Variants in PIK3C2A observed in about 807,000 individuals in gnomAD.
PIK3C2A encodes the protein phosphatidylinositol 4-phosphate 3-kinase C2 domain-containing subunit alpha.
Under a neutral mutation model 204.5 loss-of-function variants are expected in PIK3C2A, and 97 were observed. The ratio of observed to expected loss-of-function variants is 0.47; its 90% CI spans 0.40 to 0.56. The LOEUF (loss-of-function observed/expected upper bound fraction) is 0.56. Among genes scored for constraint, PIK3C2A ranks in the 20% least tolerant of loss-of-function variants. The pLI is 0.00. For synonymous variants in PIK3C2A, 653 were observed against 664.4 expected, an observed-to-expected ratio of 0.98 and a Z score of 0.26; for missense variants, 1,735 against 1,969.2, an observed-to-expected ratio of 0.88 and a Z score of 2.25.
chr11:17,116,354 C>T (rs1392440624), intron 19 of PIK3C2A, among the ~76,000 whole-genome samples: 2 of 152,082 alleles, frequency 1.3e-5, no homozygotes, highest in Non-Finnish European at 2.9e-5. Context: ...CTGCTTCACA[C>T]CCACTAGAAT....
rs1403132322 is a variant in PIK3C2A, at chr11:17,086,880, G to A, written c.*2858C>T. On this transcript the variant is annotated 3_prime_UTR_variant, in exon 33 of 33. Coordinates refer to ENST00000691414, the MANE Select transcript of PIK3C2A (RefSeq NM_002645.4). ...TAAATGTCACAATATTTGAATCCTA[G>A]AAAGAATAGGCAACTAATTTAAGGC... The A allele has an allele frequency of 6.6e-6, 1 of 152,036 alleles. No homozygotes were observed. Among genetic ancestry groups the A allele is most frequent in the African/African-American group, 2.4e-5 (1 of 41,400 alleles). 9.4% of individuals were successfully genotyped at this position (152,036 alleles called of 1,614,324 possible). A position where few individuals can be genotyped will look rare whatever the true frequency, so the allele number is the denominator to read the frequency against.
intron 8 of PIK3C2A, chr11:17,138,301 G>A (rs1849941620): frequency 3.0e-5 from 18 of 599,378 alleles, no homozygotes; most frequent in African/African-American, 5.8e-5. Flanking sequence ...CAAATGCCCC[G>A]GAAGACGAAA....
chr11:17,137,726 G>T (rs1849921518), intron 8 of PIK3C2A, among the ~76,000 whole-genome samples: 1 of 151,986 alleles, frequency 6.6e-6, no homozygotes, highest in Admixed American at 6.6e-5. Context: ...CTCTTTAAGT[G>T]CCAATTATCA....
intron 19 of PIK3C2A, among the ~76,000 whole-genome samples, chr11:17,115,476 G>A (rs1282784655): frequency 1.3e-5 from 2 of 150,730 alleles, no homozygotes; most frequent in Non-Finnish European, 3.0e-5. Context: ...AGGAGGCTGA[G>A]GCTGTGGTGA....
At chr11:17,149,232 T>C (rs1850351305) in intron 4 of PIK3C2A, among the ~76,000 whole-genome samples, 2 of 152,146 alleles carry the variant, frequency 1.3e-5, no homozygotes, top group South Asian at 2.1e-4. Flanking sequence ...TATTACACAT[T>C]GTATGCCTGT....
chr11:17,190,554 G>A (rs1254429752), intron 1 of PIK3C2A, among the ~76,000 whole-genome samples: 2 of 144,222 alleles, frequency 1.4e-5, no homozygotes, highest in Admixed American at 7.1e-5. Flanking sequence ...CAGCCTGGGC[G>A]ACAGAGCAAG....
chr11:17,128,995 G>C (rs1195217902), intron 13 of PIK3C2A, among the ~76,000 whole-genome samples: 1 of 152,238 alleles, frequency 6.6e-6, no homozygotes, highest in Non-Finnish European at 1.5e-5. Context: ...TTACAAGACT[G>C]TGGTATTATG....
chr11:17,168,015 A>C (rs1028410329), intron 2 of PIK3C2A, among the ~76,000 whole-genome samples: 4 of 151,882 alleles, frequency 2.6e-5, no homozygotes, highest in African/African-American at 9.7e-5. Flanking sequence ...TCTTATTTGC[A>C]TTTAAAAAAA....
intron 1 of PIK3C2A, among the ~76,000 whole-genome samples, chr11:17,176,742 T>C (rs1478964352): frequency 2.0e-5 from 3 of 152,064 alleles, no homozygotes; most frequent in African/African-American, 7.2e-5. Context: ...GCTATGATTG[T>C]GTCACTGCAC....
intron 1 of PIK3C2A, among the ~76,000 whole-genome samples, chr11:17,201,303 C>A (rs138640692): frequency 0.013 from 1,938 of 151,834 alleles, 22 homozygotes; most frequent in Non-Finnish European, 0.02. Context: ...CCGAGGCAGG[C>A]AGATCATGAG....
intron 1 of PIK3C2A, among the ~76,000 whole-genome samples, chr11:17,178,168 G>GA (rs1460101713): frequency 1.4e-5 from 2 of 146,472 alleles, no homozygotes; most frequent in East Asian, 4.1e-4. Flanking sequence ...CTACATTAAT[G>GA]AAAAAAGACA....
chr11:17,136,373 A>G (rs1438975297), intron 9 of PIK3C2A, 109 bp downstream of exon 9: 1 of 859,524 alleles, frequency 1.2e-6, no homozygotes, highest in African/African-American at 1.7e-5. Context: ...TCAACCCAAA[A>G]GTAAAAGCCA....
intron 2 of PIK3C2A, 88 bp from the exon 3 acceptor site, chr11:17,155,717 A>G: frequency 1.5e-6 from 1 of 675,456 alleles, no homozygotes; most frequent in South Asian, 2.0e-5. Context: ...TTTTATGAAA[A>G]TATGTACAAA....
chr11:17,114,335 G>T, intron 20 of PIK3C2A, 26 bp downstream of exon 20: 1 of 1,122,064 alleles, frequency 8.9e-7, no homozygotes, highest in African/African-American at 1.5e-5. Context: ...AATGTAATAT[G>T]AACTTATAAG....
intron 1 of PIK3C2A, among the ~76,000 whole-genome samples, chr11:17,201,735 T>A (rs764368263): frequency 1.3e-5 from 2 of 152,168 alleles, no homozygotes; most frequent in Non-Finnish European, 2.9e-5. Flanking sequence ...TTAACTCTTA[T>A]CTATTTTCCA....
intron 2 of PIK3C2A, among the ~76,000 whole-genome samples, chr11:17,160,064 A>G (rs1458717047): frequency 1.3e-5 from 2 of 152,210 alleles, no homozygotes; most frequent in Non-Finnish European, 2.9e-5. Flanking sequence ...AAATACCCAG[A>G]ATAATGTCTG....
Position 17,097,207 on chromosome 11 carries a change from G to A in PIK3C2A, c.4176C>T (p.Asn1392=), listed in dbSNP as rs375853663. The part of the protein sequence containing the change: ...IATKFNFFIH[N]LAQLRFSGLP... ...GACCAGAAAAACGAAGCTGAGCAAGGTTGTGAATGAAGAAGTTAAACTTTG... is the reference window on the plus strand; with the variant it reads ...GACCAGAAAAACGAAGCTGAGCAAGATTGTGAATGAAGAAGTTAAACTTTG... Residue 1392 remains asparagine (N), a synonymous_variant, in exon 27 of 33, where the codon AAC becomes AAT. Transcript: ENST00000691414. 5.0e-6 allele frequency: 8 copies of A among 1,613,656 alleles called. No individual in the cohort carries two copies. In the African/African-American group the frequency reaches 1.1e-4, roughly 22 times the overall value.
At position 17,095,588 on chromosome 11, in the gene PIK3C2A, C is replaced by T. The variant is rs1324376403; in HGVS notation, c.4327-1203G>A. On this transcript the variant is annotated intron_variant, in intron 27 of 32. Transcript: ENST00000691414. ...CCTGGGCAACAGAGCAAGACTCCGT[C>T]TCAAAAAAATAAAAAAATAAAAAAA... 3.7e-4 allele frequency among the ~76,000 whole-genome samples: 53 copies of T among 144,478 alleles called. 1 individual carries two copies. The Admixed American group carries it at 3.7e-3, about 10-fold the overall frequency. 94.8% of individuals were successfully genotyped at this position (144,478 alleles called of 152,430 possible).
intron 9 of PIK3C2A, 76 bp downstream of exon 9, chr11:17,136,406 T>C (rs918848807): frequency 9.1e-7 from 1 of 1,096,562 alleles, no homozygotes; most frequent in Non-Finnish European, 1.4e-6. Context: ...CAATATTTTG[T>C]CTAGGATAAG....
Sources: allele counts gnomAD v4.1 joint callset (sites outside exome capture counted in the v4.1 genomes callset), GRCh38; gene constraint gnomAD v4.1.1; transcripts MANE v1.5; gene names NCBI Gene and HGNC (gene_info 2026-07-23, HGNC 2026-07-21).